Variants in TIMP1 observed in about 807,000 individuals in gnomAD.
TIMP1 encodes metalloproteinase inhibitor 1.
TIMP1 carries 5 observed loss-of-function variants against 13.7 expected under a neutral mutation model. The ratio of observed to expected loss-of-function variants is 0.36; its 90% confidence interval spans 0.19 to 0.76. TIMP1 has a LOEUF of 0.76. Among genes scored for constraint, TIMP1 ranks in the 30% least tolerant of loss-of-function variants. The pLI is 0.51. For missense variants in TIMP1, 131 were observed against 168.4 expected (o/e 0.78, Z 1.23); for synonymous variants, 63 against 67.1 (o/e 0.94, Z 0.30).
Position 47,586,639 on chromosome X carries a change from C to T in TIMP1, c.572C>T (p.Pro191Leu), listed in dbSNP as rs1290911753. ...GFQSRHLACL[P>L]REPGLCTWQS... Reference sequence around the variant, plus strand: ...CAGTCCCGTCACCTTGCCTGCCTGCCTCGGGAGCCAGGGCTGTGCACCTGG... The same window carrying T: ...CAGTCCCGTCACCTTGCCTGCCTGCTTCGGGAGCCAGGGCTGTGCACCTGG... Residue 191 changes from proline (P) to leucine (L), a missense_variant, in exon 6 of 6, where the codon CCT (proline) becomes CTT (leucine). Physicochemically the swap from Pro to Leu is moderately conservative, Grantham distance 98. Coordinates refer to ENST00000218388, the MANE Select transcript of TIMP1 (RefSeq NM_003254.3). 3 of 1,211,850 alleles carry T rather than the reference C, an allele frequency of 2.5e-6. No individual in the cohort carries two copies. The Admixed American group carries it at 6.5e-5, about 26-fold the overall frequency.
At chrX:47,582,723 A>T (rs2057803996) in intron 1 of TIMP1, 1 of 198,689 alleles carries the variant, frequency 5.0e-6, no homozygotes, top group South Asian at 4.4e-5. Flanking sequence ...ACCCCCTAAT[A>T]TCACAAATGC....
Position 47,585,317 on chromosome X carries a change from A to T in TIMP1, c.314A>T (p.Glu105Val), listed in dbSNP as rs778571038. The T allele has an allele frequency of 4.1e-6, 5 of 1,209,735 alleles. No individual in the cohort carries two copies. In the East Asian group the frequency reaches 1.5e-4, roughly 36 times the overall value. Residue 105 changes from glutamate to valine, a missense_variant, in exon 4 of 6, where the codon GAG becomes GTG. Transcript: ENST00000218388. ...CACAGGTCCCACAACCGCAGCGAGG[A>T]GTTTCTCATTGCTGGTGAGGCACCG... The part of the protein sequence containing the change: ...YFHRSHNRSE[E>V]FLIAGKLQDG...
At chrX:47,582,839 TC>T (rs1231952379) in intron 1 of TIMP1, among the ~76,000 whole-genome samples, 1 of 65,828 alleles carries the variant, frequency 1.5e-5, no homozygotes, top group African/African-American at 6.1e-5. Context: ...AGCTCCCCAA[TC>T]CCCAGTTCCC....
At chrX:47,583,258 T>TA in intron 1 of TIMP1, 150 bp from the exon 2 acceptor site, 1 of 379,086 alleles carries the variant, frequency 2.6e-6, no homozygotes, top group Non-Finnish European at 4.5e-6. Flanking sequence ...CCAATCCCCT[T>TA]AAAATCCCTA....
rs1478166789 is a variant in TIMP1 at position 47,585,258 on chromosome X, C to T, written c.255C>T (p.Tyr85=). 8.3e-7 allele frequency: 1 copy of T among 1,208,670 alleles called. No homozygotes were observed. The highest frequency in any genetic ancestry group is 1.1e-6 in the Non-Finnish European group (1 of 893,704). ...ATGCCGCTGACATCCGGTTCGTCTA[C>T]ACCCCCGCCATGGAGAGTGTCTGCG... ...LGDAADIRFV[Y]TPAMESVCGY... The change falls in exon 4 of 6, where the codon TAC becomes TAT. Residue 85 remains tyrosine (Y), a synonymous_variant. Transcript: ENST00000218388.
chrX:47,582,633 G>T, intron 1 of TIMP1, 159 bp downstream of exon 1: 1 of 340,761 alleles, frequency 2.9e-6, no homozygotes, highest in Non-Finnish European at 5.9e-6. Context: ...AGGGTCGGAG[G>T]CTGGAACTGC....
At chrX:47,584,261 T>A (rs980009581) in intron 2 of TIMP1, among the ~76,000 whole-genome samples, 6 of 110,710 alleles carry the variant, frequency 5.4e-5, no homozygotes, top group Non-Finnish European at 1.1e-4. Context: ...TGATCAGGTA[T>A]TGAGGATGAT....
chrX:47,584,844 C>A lies in TIMP1; in HGVS notation c.122-92C>A, dbSNP rs553053209. On this transcript the variant is annotated intron_variant, in intron 2 of 5. Coordinates refer to ENST00000218388, the MANE Select transcript of TIMP1 (RefSeq NM_003254.3). ...ATCCAATAACCCCTATTTATGTATG[C>A]GCTTTGCTGGTATGATGATGATGAT... 6.4e-6 allele frequency: 5 copies of A among 775,678 alleles called. No homozygotes were observed. In the South Asian group the frequency reaches 9.5e-5, roughly 15 times the overall value. The allele number at this position is 775,678 out of a possible 1,213,427, so 63.9% of individuals were successfully genotyped here.
At chrX:47,582,925 C>T (rs1284355771) in intron 1 of TIMP1, among the ~76,000 whole-genome samples, 11 of 87,945 alleles carry the variant, frequency 1.3e-4, no homozygotes, top group Non-Finnish European at 2.5e-4. Context: ...TCCCCCAACC[C>T]CTTCAACCTC....
chrX:47,584,853 G>A lies in TIMP1; in HGVS notation c.122-83G>A, dbSNP rs2057815979. Reference sequence around the variant, plus strand: ...CCCCTATTTATGTATGCGCTTTGCTGGTATGATGATGATGATGATGATGAT... The same window carrying A: ...CCCCTATTTATGTATGCGCTTTGCTAGTATGATGATGATGATGATGATGAT... On this transcript the variant is annotated intron_variant, in intron 2 of 5. Coordinates refer to ENST00000218388, the MANE Select transcript of TIMP1 (RefSeq NM_003254.3). 9 of 850,093 alleles carry A rather than the reference G, an allele frequency of 1.1e-5. 1 individual carries two copies. The South Asian group carries it at 1.5e-4, about 15-fold the overall frequency. The allele number at this position is 850,093 out of a possible 1,213,427, so 70.1% of individuals were successfully genotyped here.
chrX:47,585,436 T>C lies in TIMP1; in HGVS notation c.328+105T>C, dbSNP rs779137252. 4 of 1,192,208 alleles carry C rather than the reference T, an allele frequency of 3.4e-6. No homozygotes were observed. The African/African-American group carries it at 7.0e-5, about 21-fold the overall frequency. On this transcript the variant is annotated intron_variant, in intron 4 of 5. Transcript: ENST00000218388. The stretch of plus-strand genomic sequence containing the variant: ...CTGATGGGAATGGTCCCACTGGAAA[T>C]GGGGACCACCCCAATTTCAGTCTAT...
intron 2 of TIMP1, among the ~76,000 whole-genome samples, chrX:47,584,327 T>G (rs1366885071): frequency 1.8e-5 from 2 of 110,638 alleles, no homozygotes; most frequent in African/African-American, 3.3e-5. Context: ...GATGATCAGG[T>G]ATTGAGGATG....
Position 47,583,446 on chromosome X carries a change from A to G in TIMP1, c.31A>G (p.Ile11Val). 4 of 1,207,616 alleles carry G rather than the reference A, an allele frequency of 3.3e-6. No homozygotes were observed. The highest frequency in any genetic ancestry group is 3.4e-6 in the Non-Finnish European group (3 of 893,711). Reference sequence around the variant, plus strand: ...CCCCTTTGAGCCCCTGGCTTCTGGCATCCTGTTGTTGCTGTGGCTGATAGC... The same window carrying G: ...CCCCTTTGAGCCCCTGGCTTCTGGCGTCCTGTTGTTGCTGTGGCTGATAGC... MAPFEPLASG[I>V]LLLLWLIAPS... is the part of the protein sequence containing the mutation. Residue 11 changes from isoleucine (I) to valine (V), a missense_variant, in exon 2 of 6, where the codon ATC becomes GTC. By Grantham distance (29) the Ile-to-Val change is conservative. Transcript: ENST00000218388.
chrX:47,585,767 T>G lies in TIMP1; in HGVS notation c.453+100T>G, dbSNP rs58842173. On this transcript the variant is annotated intron_variant, in intron 5 of 5. Coordinates refer to ENST00000218388, the MANE Select transcript of TIMP1 (RefSeq NM_003254.3). ...GCTCCCTCTGGCTATTCTGTGTCCC[T>G]GTGGCTGCTCCCCAACCCTAAGGGC... is the stretch of plus-strand genomic sequence containing the variant. The G allele has an allele frequency of 6.3e-4, 729 of 1,165,933 alleles. 1 individual carries two copies. In the African/African-American group the frequency reaches 0.011, roughly 18 times the overall value.
chrX:47,586,458 A>G, intron 5 of TIMP1, 63 bp from the exon 6 acceptor site: 18 of 1,176,139 alleles, frequency 1.5e-5, no homozygotes, highest in Non-Finnish European at 2.1e-5. Flanking sequence ...TGAGGAGAGG[A>G]AGTTCTGCTC....
In TIMP1 at chrX:47,585,588, T is replaced by C; in HGVS notation, c.374T>C (p.Val125Ala). 1 of 1,199,071 alleles carries C rather than the reference T, an allele frequency of 8.3e-7. No individual in the cohort carries two copies. Among genetic ancestry groups the C allele is most frequent in the Non-Finnish European group, 1.1e-6 (1 of 888,678 alleles). Residue 125 changes from valine to alanine, a missense_variant, in exon 5 of 6, where the codon GTG becomes GCG. By Grantham distance (64) the Val-to-Ala change is moderately conservative. Coordinates refer to ENST00000218388, the MANE Select transcript of TIMP1 (RefSeq NM_003254.3). ...TTGCACATCACTACCTGCAGTTTTG[T>C]GGCTCCCTGGAACAGCCTGAGCTTA... ...GLLHITTCSF[V>A]APWNSLSLAQ...
At chrX:47,583,318 G>C in intron 1 of TIMP1, 90 bp from the exon 2 acceptor site, 1 of 844,375 alleles carries the variant, frequency 1.2e-6, no homozygotes, top group Non-Finnish European at 1.6e-6. Context: ...CCCCCCCATA[G>C]GCTGCCCCGG....
chrX:47,586,732 C>T lies in TIMP1; in HGVS notation c.*41C>T, dbSNP rs1444609936. 1.7e-6 allele frequency: 2 copies of T among 1,179,031 alleles called. No homozygotes were observed. The highest frequency in any genetic ancestry group is 2.8e-4 in the Middle Eastern group (1 of 3,545). ...GAAGCTGAAGCCTGCACAGTGTCCA[C>T]CCTGTTCCCACTCCCATCTTTCTTC... On this transcript the variant is annotated 3_prime_UTR_variant, in exon 6 of 6. Coordinates refer to ENST00000218388, the MANE Select transcript of TIMP1 (RefSeq NM_003254.3).
chrX:47,582,832 T>A (rs1228170712), intron 1 of TIMP1, among the ~76,000 whole-genome samples: 1 of 53,164 alleles, frequency 1.9e-5, no homozygotes, highest in African/African-American at 7.9e-5. Flanking sequence ...CTCCCCCAGC[T>A]CCCCAATCCC....
Sources: allele counts gnomAD v4.1 joint callset (sites outside exome capture counted in the v4.1 genomes callset), GRCh38; gene constraint gnomAD v4.1.1; transcripts MANE v1.5; gene names NCBI Gene and HGNC (gene_info 2026-07-23, HGNC 2026-07-21).